The following PRKAG3 variants were observed in gnomAD, a reference collection of about 807,000 sequenced individuals.
The protein encoded by PRKAG3 is protein kinase AMP-activated non-catalytic subunit gamma 3.
PRKAG3 carries 39 observed loss-of-function variants against 56.5 expected under a neutral mutation model. The observed-to-expected ratio is 0.69, with a 90% CI of 0.53 to 0.90. The LOEUF (loss-of-function observed/expected upper bound fraction) is 0.90, where lower values mean the gene tolerates loss of function less well. PRKAG3 is among the 40% of genes least tolerant of loss of function. PRKAG3 has a pLI of 0.00. For synonymous variants in PRKAG3, 243 were observed against 250.1 expected (o/e 0.97, Z 0.27); for missense variants, 628 against 627.5 (o/e 1.00, Z -0.01).
At chr2:218,831,682 C>A (rs370043336) in intron 1 of PRKAG3, 56 bp downstream of exon 1, 1 of 1,586,822 alleles carries the variant, frequency 6.3e-7, no homozygotes, top group Non-Finnish European at 8.6e-7. Context: ...ACAGCCCGTG[C>A]GCTCAATCTT....
At position 218,830,350 on chromosome 2, in the gene PRKAG3, G is replaced by A. The variant is rs150179249; in HGVS notation, c.261C>T (p.Thr87=). Reference sequence around the variant, plus strand: ...TCTTGGGGAATGTGGCCTCCAGCCCGGTGGACTCAGCAGCTGGCCTGGACC... The same window carrying A: ...TCTTGGGGAATGTGGCCTCCAGCCCAGTGGACTCAGCAGCTGGCCTGGACC... The change falls in exon 4 of 13, where the codon ACC becomes ACT. Residue 87 remains threonine (T), a synonymous_variant. Coordinates refer to ENST00000529249, the Ensembl canonical transcript of PRKAG3. The A allele has an allele frequency of 1.9e-3, 3,092 of 1,609,122 alleles. 5 individuals carry two copies. Among genetic ancestry groups the A allele is most frequent in the Non-Finnish European group, 2.4e-3 (2,811 of 1,176,692 alleles).
rs1456603507 is a variant in PRKAG3, at chr2:218,827,885, A to G, written c.775-7T>C. 5 of 1,613,836 alleles carry G rather than the reference A, an allele frequency of 3.1e-6. No homozygotes were observed. The African/African-American group carries it at 6.7e-5, about 22-fold the overall frequency. ...CAATCTCATAGATCTGGACCTAGAGACATCGACAGGACTCCAGAAGTCAGA... is the reference window on the plus strand; with the variant it reads ...CAATCTCATAGATCTGGACCTAGAGGCATCGACAGGACTCCAGAAGTCAGA... On this transcript the variant is annotated splice_polypyrimidine_tract_variant and splice_region_variant and intron_variant, in intron 6 of 12. Coordinates refer to ENST00000529249, the Ensembl canonical transcript of PRKAG3. The surrounding 1 kb of genome is among the most constrained non-coding windows in gnomAD (Gnocchi z 5.3).
downstream of PRKAG3, chr2:218,822,605 G>A (rs1575209421): frequency 6.6e-6 from 1 of 152,420 alleles, no homozygotes; most frequent in East Asian, 1.9e-4. Flanking sequence ...TAAGAACATG[G>A]CTCACTGCGA....
chr2:218,823,100 AT>A, downstream of PRKAG3: 1 of 918,962 alleles, frequency 1.1e-6, no homozygotes, highest in Non-Finnish European at 1.3e-6. Flanking sequence ...AAAAGGGAAG[AT>A]GGTGACCACA....
Position 218,827,147 on chromosome 2 carries a change from C to G in PRKAG3, c.1003-54G>C, listed in dbSNP as rs1943945260. ...CAGGGATCCAGCAGCTTCAAGAGGG[C>G]TCCCAGCTCTTCCCCACGACTGCTA... On this transcript the variant is annotated intron_variant, in intron 9 of 12. Transcript: ENST00000529249. This position sits in a 1 kb window ranked among gnomAD's most constrained non-coding sequence, Gnocchi z 5.3. 2.5e-6 allele frequency: 4 copies of G among 1,612,608 alleles called. No individual in the cohort carries two copies. The highest frequency in any genetic ancestry group is 3.4e-6 in the Non-Finnish European group (4 of 1,179,684).
intron 12 of PRKAG3, 79 bp from the exon 13 acceptor site, chr2:218,823,957 G>C: frequency 7.0e-7 from 1 of 1,418,668 alleles, no homozygotes; most frequent in South Asian, 1.2e-5. Context: ...AAGAATCAGG[G>C]GAAACAACCC....
rs752820022 is a variant in PRKAG3, at chr2:218,827,575, C to T, written c.875G>A (p.Ser292Asn). 2 of 1,613,792 alleles carry T rather than the reference C, an allele frequency of 1.2e-6. No individual in the cohort carries two copies. The highest frequency in any genetic ancestry group is 3.3e-5 in the Admixed American group (2 of 60,026). ...CAGGTGAATGAGCAGAGACACCCACCTATCATTAGGAGAGATGGAGACCAG... is the reference window on the plus strand; with the variant it reads ...CAGGTGAATGAGCAGAGACACCCACTTATCATTAGGAGAGATGGAGACCAG... The change falls in exon 8 of 13, where the codon AGC becomes AAC. Residue 292 changes from serine (S) to asparagine (N), a missense_variant and splice_region_variant. Physicochemically the swap from Ser to Asn is conservative, Grantham distance 46. Coordinates refer to ENST00000529249, the Ensembl canonical transcript of PRKAG3. The surrounding 1 kb of genome is among the most constrained non-coding windows in gnomAD (Gnocchi z 5.3).
Position 218,830,826 on chromosome 2 carries a change from C to T in PRKAG3, c.149G>A (p.Arg50His), listed in dbSNP as rs546318490. Reference sequence around the variant, plus strand: ...CAAGGCTTTGGCCCTCCGTTTCCCACGGATTCTTTCTGAGCTGCTGGTCAC... The same window carrying T: ...CAAGGCTTTGGCCCTCCGTTTCCCATGGATTCTTTCTGAGCTGCTGGTCAC... The change falls in exon 3 of 13, where the codon CGT becomes CAT. Residue 50 changes from arginine (R) to histidine (H), a missense_variant. Transcript: ENST00000529249. 63 of 1,613,740 alleles carry T rather than the reference C, an allele frequency of 3.9e-5. No individual in the cohort carries two copies. Among genetic ancestry groups the T allele is most frequent in the Non-Finnish European group, 4.5e-5 (53 of 1,180,042 alleles).
chr2:218,829,997 A>T, exon 4 of PRKAG3: 1 of 1,613,758 alleles, frequency 6.2e-7, no homozygotes, highest in Non-Finnish European at 8.5e-7. Flanking sequence ...GGTGTCGAAG[A>T]TGACTAGCTT....
At chr2:218,830,290 C>T in exon 4 of PRKAG3, 1 of 1,613,388 alleles carries the variant, frequency 6.2e-7, no homozygotes, top group Middle Eastern at 1.7e-4. Context: ...GTGGAGTGCC[C>T]ACCCCGGCAG....
At chr2:218,823,927 C>T (rs757995488) in intron 12 of PRKAG3, 49 bp from the exon 13 acceptor site, 1 of 1,559,172 alleles carries the variant, frequency 6.4e-7, no homozygotes, top group Non-Finnish European at 8.8e-7. Flanking sequence ...GGGGCTACAG[C>T]AGCTACTGAG....
rs1446314477 is a variant in PRKAG3 at position 218,830,134 on chromosome 2, C to A, written c.477G>T (p.Leu159=). Reference sequence around the variant, plus strand: ...GAAATGGGGCCTGCGGGGACAGGCACAGGGCAGGCCTCTCTTCCAGCAGGC... The same window carrying A: ...GAAATGGGGCCTGCGGGGACAGGCAAAGGGCAGGCCTCTCTTCCAGCAGGC... Residue 159 remains leucine (L), a synonymous_variant, in exon 4 of 13, where the codon CTG becomes CTT. Coordinates refer to ENST00000529249, the Ensembl canonical transcript of PRKAG3. 3.1e-6 allele frequency: 5 copies of A among 1,613,870 alleles called. No homozygotes were observed. The African/African-American group carries it at 5.3e-5, about 17-fold the overall frequency.
exon 13 of PRKAG3, chr2:218,823,676 T>C: frequency 6.2e-7 from 1 of 1,602,978 alleles, no homozygotes; most frequent in Non-Finnish European, 8.5e-7. Context: ...CAAATGGGGG[T>C]GGGGGAAGAT....
chr2:218,825,926 T>G (rs1487556787), intron 10 of PRKAG3, among the ~76,000 whole-genome samples: 1 of 151,886 alleles, frequency 6.6e-6, no homozygotes, highest in Non-Finnish European at 1.5e-5. Context: ...CCAGCTAATT[T>G]TTTTTTGTAG....
exon 10 of PRKAG3, chr2:218,826,996 G>C (rs769144503): frequency 6.2e-7 from 1 of 1,614,158 alleles, no homozygotes; most frequent in South Asian, 1.1e-5. Context: ...AGTCAGGATG[G>C]GTGCTGTCTC....
chr2:218,826,854 C>T lies in PRKAG3; in HGVS notation c.1168+74G>A, dbSNP rs1373964015. ...ACAGGGATGGCATGAGAAACCCTGC[C>T]CTTCCCATATTCTCCCCACCAGGTT... is the stretch of plus-strand genomic sequence containing the variant. On this transcript the variant is annotated intron_variant, in intron 10 of 12. Coordinates refer to ENST00000529249, the Ensembl canonical transcript of PRKAG3. 4 of 1,576,522 alleles carry T rather than the reference C, an allele frequency of 2.5e-6. No homozygotes were observed. In the African/African-American group the frequency reaches 5.4e-5, roughly 21 times the overall value.
chr2:218,825,850 A>G (rs1436545832), intron 10 of PRKAG3, among the ~76,000 whole-genome samples: 1 of 147,606 alleles, frequency 6.8e-6, no homozygotes, highest in Non-Finnish European at 1.5e-5. Context: ...TCTGCCTCCC[A>G]GGTTCAACCG....
chr2:218,826,558 C>G (rs1943935025), intron 10 of PRKAG3: 1 of 328,388 alleles, frequency 3.0e-6, no homozygotes. Context: ...CCTTCTCGCT[C>G]TGGCCTCTCT....
rs572169926 is a variant in PRKAG3 at position 218,827,614 on chromosome 2, C to G, written c.836G>C (p.Gly279Ala). Residue 279 changes from glycine (G) to alanine (A), a missense_variant, in exon 8 of 13, where the codon GGC (glycine) becomes GCC (alanine). Physicochemically the swap from Gly to Ala is moderately conservative, Grantham distance 60. Coordinates refer to ENST00000529249, the Ensembl canonical transcript of PRKAG3. The surrounding 1 kb of genome is among the most constrained non-coding windows in gnomAD (Gnocchi z 5.3). ...GATGGAGACCAGAGGCTTGAAGCAG[C>G]CTTGCAGGTAGATCTCTGCAGAAAG... is the stretch of plus-strand genomic sequence containing the variant. 67 of 1,613,970 alleles carry G rather than the reference C, an allele frequency of 4.2e-5. No individual in the cohort carries two copies. Among genetic ancestry groups the G allele is most frequent in the East Asian group, 2.7e-4 (12 of 44,890 alleles).
Sources: gnomAD v4.1 joint callset for allele counts (sites outside exome capture counted in the v4.1 genomes callset) on GRCh38, gnomAD v4.1.1 for gene constraint, Gnocchi (gnomAD v3.1) non-coding constraint, MANE v1.5 for transcripts, NCBI Gene and HGNC (gene_info 2026-07-23, HGNC 2026-07-21) for gene names.